AGBL1: variants seen among roughly 807,000 people sequenced by gnomAD.
The protein encoded by AGBL1 is cytosolic carboxypeptidase 4.
A neutral mutation model predicts 118.9 loss-of-function variants in AGBL1; 130 were observed. The observed-to-expected ratio is 1.09, with a 90% CI of 0.95 to 1.26. The LOEUF is 1.26. Among genes scored for constraint, AGBL1 ranks in the 50% most tolerant of loss-of-function variants. AGBL1 has a pLI of 0.00. For missense variants in AGBL1, 1,584 were observed against 1,298.1 expected, an observed-to-expected ratio of 1.22 and a Z score of -3.38; for synonymous variants, 555 against 478.9, an observed-to-expected ratio of 1.16 and a Z score of -2.08.
chr15:86,739,139 C>G (rs1030285067), intron 22 of AGBL1, among the ~76,000 whole-genome samples: 1 of 151,780 alleles, frequency 6.6e-6, no homozygotes, highest in Non-Finnish European at 1.5e-5. Flanking sequence ...GAAGCAAGAC[C>G]CTGTTTCAAA....
intron 10 of AGBL1, among the ~76,000 whole-genome samples, chr15:86,263,218 A>AT (rs2079020873): frequency 6.6e-6 from 1 of 152,134 alleles, no homozygotes; most frequent in South Asian, 2.1e-4. Context: ...ATAATACTGT[A>AT]TTTTCACTGC....
intron 21 of AGBL1, among the ~76,000 whole-genome samples, chr15:86,587,124 A>G (rs1022074273): frequency 6.6e-6 from 1 of 152,120 alleles, no homozygotes; most frequent in Non-Finnish European, 1.5e-5. Flanking sequence ...CCCTGAGCAC[A>G]CTGCAGTCAT....
chr15:86,081,364 A>T (rs1643990782), intron 1 of AGBL1, among the ~76,000 whole-genome samples: 1 of 152,078 alleles, frequency 6.6e-6, no homozygotes, highest in African/African-American at 2.4e-5. Flanking sequence ...TCTTAAGAAG[A>T]TTTGTATTCC....
rs139241542 is a variant in AGBL1, at chr15:86,218,677, G to A, written c.489-6237G>A. Among the ~76,000 whole-genome samples, 257 of 152,272 alleles carry A rather than the reference G, an allele frequency of 1.7e-3. 1 individual carries two copies. Among genetic ancestry groups the A allele is most frequent in the African/African-American group, 5.6e-3 (233 of 41,552 alleles). ...CATTGATGAAGTAAGCAGTAATGTT[G>A]GGGAAACCCCCATTGCAAAGAACAG... is the stretch of plus-strand genomic sequence containing the variant. On this transcript the variant is annotated intron_variant, in intron 5 of 22. Transcript: ENST00000614907.
chr15:86,104,791 T>C (rs2141514044), intron 1 of AGBL1, among the ~76,000 whole-genome samples: 1 of 152,266 alleles, frequency 6.6e-6, no homozygotes, highest in East Asian at 1.9e-4. Context: ...TTAGGACTTG[T>C]GGGGGTGGTT....
At chr15:86,417,404 A>G (rs946284743) in intron 18 of AGBL1, among the ~76,000 whole-genome samples, 1 of 152,226 alleles carries the variant, frequency 6.6e-6, no homozygotes, top group Non-Finnish European at 1.5e-5. Flanking sequence ...GGATCTCTCC[A>G]TCATTCCGAT....
intron 17 of AGBL1, among the ~76,000 whole-genome samples, chr15:86,353,602 G>A: frequency 6.6e-6 from 1 of 152,164 alleles, no homozygotes; most frequent in East Asian, 1.9e-4. Flanking sequence ...GTGATTTTAT[G>A]ATAAAATCAT....
chr15:86,559,584 C>T (rs2083784513), intron 21 of AGBL1, among the ~76,000 whole-genome samples: 1 of 152,166 alleles, frequency 6.6e-6, no homozygotes, highest in Admixed American at 6.5e-5. Context: ...TGATAACAAA[C>T]ACATCTATCA....
chr15:87,013,446 G>A (rs891303437), intron 24 of AGBL1, among the ~76,000 whole-genome samples: 2 of 152,086 alleles, frequency 1.3e-5, no homozygotes, highest in African/African-American at 4.8e-5. Context: ...GCTGTTTAGA[G>A]GTGGCCCAAA....
At chr15:86,215,712 A>G (rs2078177175) in intron 5 of AGBL1, among the ~76,000 whole-genome samples, 1 of 152,174 alleles carries the variant, frequency 6.6e-6, no homozygotes, top group East Asian at 1.9e-4. Flanking sequence ...CTGAGCTAGT[A>G]TTTTCTCAGC....
intron 1 of AGBL1, among the ~76,000 whole-genome samples, chr15:86,125,456 G>A (rs4887189): frequency 0.069 from 10,494 of 152,074 alleles, 550 homozygotes; most frequent in East Asian, 0.25. Flanking sequence ...GGCTTGTTTT[G>A]CAGCTGCGTT....
chr15:86,217,771 G>C (rs779843210), intron 5 of AGBL1, among the ~76,000 whole-genome samples: 1 of 152,202 alleles, frequency 6.6e-6, no homozygotes, highest in Non-Finnish European at 1.5e-5. Context: ...AGAGAAAGTG[G>C]TGTGGGACAA....
chr15:86,342,209 T>A (rs749144250), intron 17 of AGBL1, among the ~76,000 whole-genome samples: 1 of 152,214 alleles, frequency 6.6e-6, no homozygotes, highest in African/African-American at 2.4e-5. Context: ...CTGTCTAAGC[T>A]TTTTACAGGA....
chr15:86,191,716 T>A (rs927627004), intron 5 of AGBL1, among the ~76,000 whole-genome samples: 2 of 152,026 alleles, frequency 1.3e-5, no homozygotes, highest in African/African-American at 4.8e-5. Context: ...CTGTTATTTT[T>A]AAAATTTATA....
intron 17 of AGBL1, among the ~76,000 whole-genome samples, chr15:86,310,740 C>A (rs930242935): frequency 6.6e-6 from 1 of 152,070 alleles, no homozygotes; most frequent in African/African-American, 2.4e-5. Flanking sequence ...CAGAAGCTGG[C>A]CTGGCAAAAG....
At chr15:86,101,662 A>G (rs1319294145) in intron 1 of AGBL1, among the ~76,000 whole-genome samples, 2 of 146,916 alleles carry the variant, frequency 1.4e-5, no homozygotes, top group Non-Finnish European at 3.0e-5. Context: ...TTGACTTATA[A>G]TCTGTTTTAT....
chr15:86,257,826 G>A (rs910451276), intron 8 of AGBL1, 138 bp from the exon 9 acceptor site: 2 of 749,200 alleles, frequency 2.7e-6, no homozygotes, highest in South Asian at 1.8e-5. Context: ...TTTGTGTGTG[G>A]TGGGATATTG....
At chr15:86,805,716 A>T (rs1171671329) in intron 22 of AGBL1, among the ~76,000 whole-genome samples, 2 of 152,082 alleles carry the variant, frequency 1.3e-5, no homozygotes, top group African/African-American at 4.8e-5. Context: ...TGTAAAAAGT[A>T]TTTTTTTCCA....
At chr15:86,119,540 GC>G (rs910741978) in intron 1 of AGBL1, among the ~76,000 whole-genome samples, 10 of 152,020 alleles carry the variant, frequency 6.6e-5, no homozygotes, top group African/African-American at 1.2e-4. Flanking sequence ...TAAATGATCT[GC>G]CCCCCCGGAC....
Sources: allele counts gnomAD v4.1 joint callset (sites outside exome capture counted in the v4.1 genomes callset), GRCh38; gene constraint gnomAD v4.1.1; transcripts MANE v1.5; gene names NCBI Gene and HGNC (gene_info 2026-07-23, HGNC 2026-07-21).